RAB12: variants seen among roughly 807,000 people sequenced by gnomAD.
RAB12 encodes the protein ras-related protein Rab-12.
RAB12 carries 11 observed loss-of-function variants against 28.4 expected under a neutral mutation model. The observed-to-expected ratio is 0.39, with a 90% CI of 0.24 to 0.64. RAB12 has a LOEUF of 0.64. Ranked by LOEUF, RAB12 falls within the 30% of genes least tolerant of loss-of-function variation. RAB12 has a pLI of 0.50. For synonymous variants in RAB12, 138 were observed against 145.3 expected, an observed-to-expected ratio of 0.95 and a Z score of 0.36; for missense variants, 276 against 351.1, an observed-to-expected ratio of 0.79 and a Z score of 1.71.
intron 1 of RAB12, among the ~76,000 whole-genome samples, chr18:8,620,130 TTTC>T (rs1567893725): frequency 5.0e-5 from 6 of 120,028 alleles, no homozygotes; most frequent in South Asian, 4.8e-4. Context: ...TTCTTTTTTT[TTTC>T]TTCTTCTTTT....
At chr18:8,621,772 A>C (rs762551137) in intron 1 of RAB12, among the ~76,000 whole-genome samples, 3 of 151,608 alleles carry the variant, frequency 2.0e-5, no homozygotes, top group Non-Finnish European at 4.4e-5. Context: ...CCTTCCTCCT[A>C]CCCATCACCC....
chr18:8,625,943 T>TGGGCCGCAGCTGCAGCC, intron 2 of RAB12, among the ~76,000 whole-genome samples: 1 of 152,222 alleles, frequency 6.6e-6, no homozygotes, highest in African/African-American at 2.4e-5. Flanking sequence ...TGTCCCTGTC[T>TGGGCCGCAGCTGCAGCC]GGGCCGCAGC....
At chr18:8,620,802 G>A (rs755525520) in intron 1 of RAB12, among the ~76,000 whole-genome samples, 1 of 152,200 alleles carries the variant, frequency 6.6e-6, no homozygotes, top group Middle Eastern at 3.4e-3. Flanking sequence ...GATGTGATAT[G>A]GGCTAGAAGA....
In RAB12 at chr18:8,636,234, G is replaced by C; in HGVS notation, c.805-19G>C. On this transcript the variant is annotated intron_variant, in intron 4 of 5. Coordinates refer to ENST00000649141, the MANE Select transcript of RAB12 (RefSeq NM_001025300.3). ...TGTGAGGCCCCACACAGAGGAAATA[G>C]GTGTGTGTTTCTTCTCAGTTTGCAC... The C allele has an allele frequency of 6.5e-7, 1 of 1,542,146 alleles. No individual in the cohort carries two copies. Among genetic ancestry groups the C allele is most frequent in the Middle Eastern group, 1.7e-4 (1 of 5,916 alleles).
chr18:8,637,278 TAAAAAA>T (rs11375791), intron 5 of RAB12, among the ~76,000 whole-genome samples: 5 of 144,084 alleles, frequency 3.5e-5, no homozygotes, highest in Non-Finnish European at 7.6e-5. Context: ...TGTCTCTATT[TAAAAAA>T]AAAAAAAAAA....
chr18:8,634,307 TAAAA>T (rs1216983541), intron 3 of RAB12, among the ~76,000 whole-genome samples: 1 of 136,034 alleles, frequency 7.4e-6, no homozygotes, highest in East Asian at 2.1e-4. Flanking sequence ...TTTTTTTCAT[TAAAA>T]AAAAAAGTTG....
At chr18:8,620,809 A>G (rs965788254) in intron 1 of RAB12, among the ~76,000 whole-genome samples, 1 of 152,120 alleles carries the variant, frequency 6.6e-6, no homozygotes, top group African/African-American at 2.4e-5. Context: ...TATGGGCTAG[A>G]AGAGAGTTCA....
At chr18:8,626,534 A>G (rs941666271) in intron 2 of RAB12, among the ~76,000 whole-genome samples, 14 of 152,162 alleles carry the variant, frequency 9.2e-5, no homozygotes, top group Non-Finnish European at 1.9e-4. Flanking sequence ...TTTATAAAGT[A>G]TGTCCAAATG....
chr18:8,616,757 C>CA (rs71165794), intron 1 of RAB12, among the ~76,000 whole-genome samples: 29,279 of 128,330 alleles, frequency 0.23, 3,326 homozygotes, highest in African/African-American at 0.34. Flanking sequence ...CCCATCTCCA[C>CA]AAAAAAAAAA....
intron 2 of RAB12, among the ~76,000 whole-genome samples, chr18:8,625,936 C>G (rs1034631714): frequency 6.6e-6 from 1 of 152,200 alleles, no homozygotes; most frequent in Non-Finnish European, 1.5e-5. Context: ...TCATCCGTGT[C>G]CCTGTCTGGG....
At chr18:8,636,179 G>A in intron 4 of RAB12, 74 bp from the exon 5 acceptor site, 1 of 941,886 alleles carries the variant, frequency 1.1e-6, no homozygotes, top group Non-Finnish European at 1.7e-6. Context: ...TTGAAGCTGA[G>A]CCCAGAGACC....
chr18:8,622,216 C>G (rs754317316), intron 1 of RAB12, among the ~76,000 whole-genome samples: 23 of 152,332 alleles, frequency 1.5e-4, no homozygotes, highest in Admixed American at 5.9e-4. Flanking sequence ...GTCGCAGCCA[C>G]TGCCACAAGG....
At chr18:8,630,880 G>T (rs2096015570) in intron 2 of RAB12, among the ~76,000 whole-genome samples, 1 of 142,730 alleles carries the variant, frequency 7.0e-6, no homozygotes, top group Non-Finnish European at 1.5e-5. Flanking sequence ...ATTCTGGTTT[G>T]TTTTTGTTTT....
chr18:8,615,379 G>A (rs555579179), intron 1 of RAB12, among the ~76,000 whole-genome samples: 1 of 152,292 alleles, frequency 6.6e-6, no homozygotes, highest in Non-Finnish European at 1.5e-5. Context: ...GGACTTAAAT[G>A]CTTAACTGTG....
intron 1 of RAB12, among the ~76,000 whole-genome samples, chr18:8,620,388 C>T (rs371198967): frequency 2.2e-4 from 34 of 152,088 alleles, no homozygotes; most frequent in African/African-American, 8.0e-4. Flanking sequence ...TTACCGTAAT[C>T]CTCTGAGATT....
intron 1 of RAB12, among the ~76,000 whole-genome samples, chr18:8,610,718 A>G (rs1414239809): frequency 2.0e-5 from 3 of 152,202 alleles, no homozygotes; most frequent in African/African-American, 7.2e-5. Flanking sequence ...GAGATTTCTC[A>G]GTTGGATGTG....
intron 1 of RAB12, among the ~76,000 whole-genome samples, chr18:8,624,050 C>G (rs192594717): frequency 2.0e-5 from 3 of 152,280 alleles, no homozygotes; most frequent in Admixed American, 2.0e-4. Context: ...CACCATACCA[C>G]TCACAAACAT....
chr18:8,632,782 A>C, intron 2 of RAB12: 1 of 228,422 alleles, frequency 4.4e-6, no homozygotes, highest in Non-Finnish European at 8.4e-6. Flanking sequence ...CTACAATGTG[A>C]ATTCTTAGGG....
At chr18:8,619,777 G>T (rs1317195967) in intron 1 of RAB12, among the ~76,000 whole-genome samples, 1 of 152,152 alleles carries the variant, frequency 6.6e-6, no homozygotes, top group Admixed American at 6.5e-5. Context: ...CTGCTGTGAG[G>T]CTTGGATATG....
Sources: gnomAD v4.1 joint callset for allele counts (sites outside exome capture counted in the v4.1 genomes callset) on GRCh38, gnomAD v4.1.1 for gene constraint, MANE v1.5 for transcripts, NCBI Gene and HGNC (gene_info 2026-07-23, HGNC 2026-07-21) for gene names.